WNT5A: variants seen among roughly 807,000 people sequenced by gnomAD.
The protein encoded by WNT5A is Wnt family member 5A.
In WNT5A, 9 loss-of-function variants were observed where a neutral mutation model predicts 42.1. That is an observed-to-expected ratio of 0.21 (90% CI 0.13 to 0.37). WNT5A has a LOEUF of 0.37. WNT5A is among the 10% of genes least tolerant of loss of function. The probability of loss-of-function intolerance (pLI) is 1.00; values close to 1 mark genes in which losing one functional copy is unlikely to be tolerated. For synonymous variants in WNT5A, 210 were observed against 210.0 expected, an observed-to-expected ratio of 1.00 and a Z score of 0.00; for missense variants, 426 against 534.0, an observed-to-expected ratio of 0.80 and a Z score of 1.99.
chr3:55,476,523 T>A (rs73075441), intron 3 of WNT5A, among the ~76,000 whole-genome samples: 3,341 of 152,194 alleles, frequency 0.022, 65 homozygotes, highest in Non-Finnish European at 0.034. Flanking sequence ...GAAGAGGAGA[T>A]GAAATGATCC....
At position 55,474,556 on chromosome 3, in the gene WNT5A, G is replaced by C. The variant is rs907052845; in HGVS notation, c.465C>G (p.Arg155=). The C allele has an allele frequency of 6.6e-7, 1 of 1,524,604 alleles. No homozygotes were observed. Among genetic ancestry groups the C allele is most frequent in the Admixed American group, 2.2e-5 (1 of 46,204 alleles). The allele number at this position is 1,524,604 out of a possible 1,614,324, so 94.4% of individuals were successfully genotyped here. A position where few individuals can be genotyped will look rare whatever the true frequency, so the allele number is the denominator to read the frequency against. Residue 155 remains arginine (R), a synonymous_variant, in exon 4 of 5, where the codon CGC becomes CGG. Coordinates refer to ENST00000264634, the MANE Select transcript of WNT5A (RefSeq NM_003392.7). ...GVVNAMSRAC[R]EGELSTCGCS... is the part of the protein sequence containing the mutation. The stretch of plus-strand genomic sequence containing the variant: ...AGCCGCAGGTGGACAGCTCGCCCTC[G>C]CGGCACGCCCGGCTCATGGCGTTCA...
At chr3:55,484,156 A>C (rs917832273) in intron 1 of WNT5A, among the ~76,000 whole-genome samples, 1 of 152,102 alleles carries the variant, frequency 6.6e-6, no homozygotes, top group African/African-American at 2.4e-5. Flanking sequence ...AGCGAAGGGG[A>C]GGATGGGAAA....
At chr3:55,487,777 T>C (rs1189357802), upstream of WNT5A, 2 of 152,318 alleles carry the variant, frequency 1.3e-5, no homozygotes, top group African/African-American at 4.8e-5. Context: ...AGTCGCCATC[T>C]GAGCTGCAAG....
At position 55,483,235 on chromosome 3, in the gene WNT5A, G is replaced by A. The variant is rs2051504298; in HGVS notation, c.7-2317C>T. Among the ~76,000 whole-genome samples the A allele has an allele frequency of 6.6e-6, 1 of 152,154 alleles. No homozygotes were observed. The highest frequency in any genetic ancestry group is 1.5e-5 in the Non-Finnish European group (1 of 68,034). On this transcript the variant is annotated intron_variant, in intron 1 of 4. Transcript: ENST00000264634. This position sits in a 1 kb window ranked among gnomAD's most constrained non-coding sequence, Gnocchi z 4.2. ...TGGGTCTCCCTGGCTCCAGGGTAGA[G>A]GTAGGCAGAGGGTGTCCCAAAGGGG...
At position 55,470,195 on chromosome 3, in the gene WNT5A, A is replaced by G; in HGVS notation, c.1040T>C (p.Phe347Ser). The change falls in exon 5 of 5, where the codon TTC (phenylalanine) becomes TCC (serine). Residue 347 changes from phenylalanine (F) to serine (S), a missense_variant. Physicochemically the swap from Phe to Ser is radical, Grantham distance 155. Around this residue, in one of 3 missense-constraint regions of WNT5A, gnomAD observed 358 missense variants for 468.1 expected, o/e 0.76. Transcript: ENST00000264634. ...GCAGCGCTCCGTCTGCACGGTCTTG[A>G]ACTGGTCGTAGCCACGGCCGCAGCA... Reference protein sequence around the residue: ...LMCCGRGYDQFKTVQTERCHC... With the variant: ...LMCCGRGYDQSKTVQTERCHC... 6.2e-7 allele frequency: 1 copy of G among 1,614,022 alleles called. No individual in the cohort carries two copies. Among genetic ancestry groups the G allele is most frequent in the Non-Finnish European group, 8.5e-7 (1 of 1,179,930 alleles).
chr3:55,493,019 A>G (rs2051678937), upstream of WNT5A, among the ~76,000 whole-genome samples: 1 of 152,216 alleles, frequency 6.6e-6, no homozygotes, highest in Non-Finnish European at 1.5e-5. Context: ...TTCTTATTTC[A>G]TTAACTGGCT....
At chr3:55,481,367 A>G (rs1203232278) in intron 1 of WNT5A, 8 of 985,288 alleles carry the variant, frequency 8.1e-6, no homozygotes, top group Middle Eastern at 1.0e-3. Context: ...AATTAATTCC[A>G]TGGGCGAGAG....
upstream of WNT5A, among the ~76,000 whole-genome samples, chr3:55,491,242 G>A (rs998300497): frequency 3.9e-5 from 6 of 152,230 alleles, no homozygotes; most frequent in African/African-American, 1.4e-4. Context: ...TCCCATGATG[G>A]TGTTGATTGG....
Position 55,479,459 on chromosome 3 carries a change from C to T in WNT5A, c.246G>A (p.Leu82=), listed in dbSNP as rs2051416285. ...GCATGTGGTCCTGATACAAGTGGCA[C>T]AGTTTCTTCTGTCCTTGAGAAAGTC... ...LAGLSQGQKK[L]CHLYQDHMQY... is the part of the protein sequence containing the mutation. Residue 82 remains leucine, a synonymous_variant, in exon 3 of 5, where the codon CTG becomes CTA. Transcript: ENST00000264634. 2 of 1,613,872 alleles carry T rather than the reference C, an allele frequency of 1.2e-6. No homozygotes were observed. Among genetic ancestry groups the T allele is most frequent in the African/African-American group, 1.3e-5 (1 of 74,922 alleles).
At chr3:55,497,772 G>A in the WNT5A span, among the ~76,000 whole-genome samples, 1 of 152,132 alleles carries the variant, frequency 6.6e-6, no homozygotes, top group African/African-American at 2.4e-5. Flanking sequence ...TTCCTGCAAA[G>A]GGCAAAAGCA....
rs1414276178 is a variant in WNT5A at position 55,468,464 on chromosome 3, G to C, written c.*1628C>G. ...TCCTCAGAAACAAGGTTGCTTCGTC[G>C]TGCTCAAGGTATGATCACAGCAGGG... On this transcript the variant is annotated 3_prime_UTR_variant, in exon 5 of 5. Transcript: ENST00000264634. The C allele has an allele frequency of 1.3e-5, 2 of 152,022 alleles. No homozygotes were observed. Among genetic ancestry groups the C allele is most frequent in the Non-Finnish European group, 2.9e-5 (2 of 68,034 alleles). 9.4% of individuals were successfully genotyped at this position (152,022 alleles called of 1,614,324 possible).
rs1372016462 is a variant in WNT5A, at chr3:55,470,071, C to T, written c.*21G>A. 3 of 1,613,738 alleles carry T rather than the reference C, an allele frequency of 1.9e-6. No individual in the cohort carries two copies. The Admixed American group carries it at 5.0e-5, about 27-fold the overall frequency. On this transcript the variant is annotated 3_prime_UTR_variant, in exon 5 of 5. Coordinates refer to ENST00000264634, the MANE Select transcript of WNT5A (RefSeq NM_003392.7). ...AAATAAGCGGGTCCTGGGAGCGGGGCTGAGTGCTGGGTGGCACCCACTACT... is the reference window on the plus strand; with the variant it reads ...AAATAAGCGGGTCCTGGGAGCGGGGTTGAGTGCTGGGTGGCACCCACTACT...
At chr3:55,481,579 C>G (rs1436148818) in intron 1 of WNT5A, among the ~76,000 whole-genome samples, 1 of 152,094 alleles carries the variant, frequency 6.6e-6, no homozygotes, top group Non-Finnish European at 1.5e-5. Flanking sequence ...AATCAGTTTA[C>G]GAGCCGATGT....
Position 55,483,317 on chromosome 3 carries a change from G to A in WNT5A, c.7-2399C>T, listed in dbSNP as rs1252096149. 6.6e-6 allele frequency among the ~76,000 whole-genome samples: 1 copy of A among 152,080 alleles called. No individual in the cohort carries two copies. The highest frequency in any genetic ancestry group is 1.5e-5 in the Non-Finnish European group (1 of 68,032). ...TCCACTTAACCCCGCCGCTTGCCCGGAAACACCTTGGCCCTCTTCCCTCTT... is the reference window on the plus strand; with the variant it reads ...TCCACTTAACCCCGCCGCTTGCCCGAAAACACCTTGGCCCTCTTCCCTCTT... On this transcript the variant is annotated intron_variant, in intron 1 of 4. Coordinates refer to ENST00000264634, the MANE Select transcript of WNT5A (RefSeq NM_003392.7). This position sits in a 1 kb window ranked among gnomAD's most constrained non-coding sequence, Gnocchi z 4.2.
intron 1 of WNT5A, among the ~76,000 whole-genome samples, chr3:55,481,750 C>T (rs1444809692): frequency 6.6e-6 from 1 of 152,114 alleles, no homozygotes; most frequent in Non-Finnish European, 1.5e-5. Context: ...GCCACCCTCG[C>T]CCGCGTCGCC....
upstream of WNT5A, among the ~76,000 whole-genome samples, chr3:55,492,215 T>C (rs531253129): frequency 1.0e-4 from 13 of 124,562 alleles, no homozygotes; most frequent in South Asian, 3.9e-3. Flanking sequence ...CATTTCATAG[T>C]CAATGGTGCT....
At chr3:55,472,221 G>A (rs1256248917) in intron 4 of WNT5A, among the ~76,000 whole-genome samples, 1 of 152,148 alleles carries the variant, frequency 6.6e-6, no homozygotes, top group Non-Finnish European at 1.5e-5. Context: ...ATGCAGAAGT[G>A]TAACATTATA....
chr3:55,476,390 A>G (rs182958260), intron 3 of WNT5A, among the ~76,000 whole-genome samples: 2 of 152,350 alleles, frequency 1.3e-5, no homozygotes, highest in East Asian at 3.9e-4. Flanking sequence ...GGCAGAGCAC[A>G]TCAGGGGAAT....
At chr3:55,501,739 T>C in the WNT5A span, 1 of 152,240 alleles carries the variant, frequency 6.6e-6, no homozygotes, top group Non-Finnish European at 1.5e-5. Context: ...AGAAATCTAT[T>C]CTTTGAGCTA....
Sources: gnomAD v4.1 joint callset for allele counts (sites outside exome capture counted in the v4.1 genomes callset) on GRCh38, gnomAD v4.1.1 for gene constraint, gnomAD v4.1.1 regional missense constraint, Gnocchi (gnomAD v3.1) non-coding constraint, MANE v1.5 for transcripts, NCBI Gene and HGNC (gene_info 2026-07-23, HGNC 2026-07-21) for gene names.